Variants in DAPK2 observed in about 807,000 individuals in gnomAD.
The protein encoded by DAPK2 is death-associated protein kinase 2.
DAPK2 carries 35 observed loss-of-function variants against 44.1 expected under a neutral mutation model. The ratio of observed to expected loss-of-function variants is 0.79; its 90% confidence interval spans 0.61 to 1.05. The LOEUF is 1.05. Among genes scored for constraint, DAPK2 ranks in the 50% least tolerant of loss-of-function variants. The pLI is 0.00. For synonymous variants in DAPK2, 174 were observed against 182.6 expected, an observed-to-expected ratio of 0.95 and a Z score of 0.38; for missense variants, 453 against 483.2, an observed-to-expected ratio of 0.94 and a Z score of 0.59.
intron 8 of DAPK2, chr15:63,922,891 G>A (rs1343958599): frequency 2.6e-6 from 4 of 1,535,780 alleles, no homozygotes; most frequent in Non-Finnish European, 3.5e-6. Context: ...TCCACTGCAG[G>A]TCTGCGGAGA....
chr15:63,931,618 C>T (rs968816236), intron 4 of DAPK2, among the ~76,000 whole-genome samples: 4 of 152,088 alleles, frequency 2.6e-5, no homozygotes, highest in African/African-American at 9.7e-5. Context: ...CTTGAGGTGC[C>T]TGAGGGGCAG....
At chr15:64,036,204 T>C (rs1035658585) in intron 1 of DAPK2, among the ~76,000 whole-genome samples, 16 of 145,520 alleles carry the variant, frequency 1.1e-4, no homozygotes, top group African/African-American at 3.5e-4. Context: ...GAGGTTGCAG[T>C]GAGCCGAGAT....
At chr15:63,942,109 T>G in intron 3 of DAPK2, 3 of 663,400 alleles carry the variant, frequency 4.5e-6, no homozygotes, top group Non-Finnish European at 5.6e-6. Context: ...GAGCCAGACC[T>G]GGTGATCCCC....
At chr15:64,036,342 T>TATAC (rs2080209473) in intron 1 of DAPK2, among the ~76,000 whole-genome samples, 2 of 134,288 alleles carry the variant, frequency 1.5e-5, no homozygotes, top group African/African-American at 5.1e-5. Context: ...TATATACATA[T>TATAC]ATATATATAT....
intron 1 of DAPK2, among the ~76,000 whole-genome samples, chr15:64,022,594 AC>A (rs2079717659): frequency 6.6e-6 from 1 of 152,170 alleles, no homozygotes. Flanking sequence ...AGGCGGGTGA[AC>A]ACTCGAGCCC....
chr15:63,924,030 C>T (rs1251450565), intron 8 of DAPK2, among the ~76,000 whole-genome samples: 8 of 152,146 alleles, frequency 5.3e-5, no homozygotes, highest in Admixed American at 1.3e-4. Context: ...GTCATTTCAT[C>T]CTTGCTGGCC....
chr15:63,944,025 G>C (rs544936309), intron 3 of DAPK2, among the ~76,000 whole-genome samples: 1 of 152,226 alleles, frequency 6.6e-6, no homozygotes, highest in East Asian at 1.9e-4. Flanking sequence ...TTTTCTTCTG[G>C]TGATGCTTCC....
chr15:64,035,377 C>G (rs2141176125), intron 1 of DAPK2, among the ~76,000 whole-genome samples: 1 of 152,318 alleles, frequency 6.6e-6, no homozygotes, highest in South Asian at 2.1e-4. Flanking sequence ...GCTCATCCTT[C>G]TAACTTTGAC....
Position 63,983,532 on chromosome 15 carries a change from C to A in DAPK2, c.314+1G>T. On this transcript the variant is annotated splice_donor_variant, in intron 2 of 10. Coordinates refer to ENST00000261891, the Ensembl canonical transcript of DAPK2. LOFTEE classifies it high-confidence loss of function. ...CTGTGGGTCCTGGGGACCCCACTCA[C>A]AGCTCAAGGATGAGCACCACGTCGG... 1 of 1,613,262 alleles carries A rather than the reference C, an allele frequency of 6.2e-7. No individual in the cohort carries two copies. Among genetic ancestry groups the A allele is most frequent in the Non-Finnish European group, 8.5e-7 (1 of 1,179,246 alleles).
chr15:64,037,631 C>G (rs931564559), intron 1 of DAPK2, among the ~76,000 whole-genome samples: 1 of 152,136 alleles, frequency 6.6e-6, no homozygotes, highest in African/African-American at 2.4e-5. Context: ...AAATGAAGAA[C>G]AGGAGGGCAG....
intron 3 of DAPK2, among the ~76,000 whole-genome samples, chr15:63,941,500 C>T (rs1442075995): frequency 1.3e-5 from 2 of 152,202 alleles, no homozygotes; most frequent in Non-Finnish European, 2.9e-5. Flanking sequence ...TAGCTGTTAG[C>T]TGAACTGATA....
At chr15:63,986,131 C>T (rs1313693954) in intron 1 of DAPK2, among the ~76,000 whole-genome samples, 4 of 152,256 alleles carry the variant, frequency 2.6e-5, no homozygotes, top group African/African-American at 9.6e-5. Flanking sequence ...TCCCCCACTC[C>T]TTGGGCTGTT....
chr15:63,982,090 G>A (rs1468251244), intron 2 of DAPK2, among the ~76,000 whole-genome samples: 1 of 151,994 alleles, frequency 6.6e-6, no homozygotes, highest in Non-Finnish European at 1.5e-5. Flanking sequence ...GGGAATTGAG[G>A]TGACTTGCCC....
chr15:63,930,338 G>A (rs1176799685), intron 5 of DAPK2, 69 bp downstream of exon 6: 13 of 1,439,236 alleles, frequency 9.0e-6, no homozygotes, highest in Non-Finnish European at 1.2e-5. Flanking sequence ...GATGTCACCT[G>A]GAGCAGGATC....
intron 3 of DAPK2, among the ~76,000 whole-genome samples, chr15:63,945,155 C>T (rs2077415525): frequency 1.3e-5 from 2 of 152,156 alleles, no homozygotes; most frequent in South Asian, 4.1e-4. Context: ...ATGAGCCACC[C>T]TGACCACCCA....
intron 3 of DAPK2, among the ~76,000 whole-genome samples, chr15:63,960,691 T>C (rs2077874652): frequency 6.6e-6 from 1 of 152,236 alleles, no homozygotes; most frequent in African/African-American, 2.4e-5. Flanking sequence ...CGAGTTATAG[T>C]TTGATTGCAC....
chr15:63,987,044 C>T (rs2078686222), intron 1 of DAPK2, among the ~76,000 whole-genome samples: 1 of 152,168 alleles, frequency 6.6e-6, no homozygotes, highest in Admixed American at 6.5e-5. Flanking sequence ...ATGATTTTTG[C>T]TTGAGGGGTT....
intron 1 of DAPK2, among the ~76,000 whole-genome samples, chr15:63,993,913 G>T (rs150634053): frequency 7.3e-4 from 111 of 152,138 alleles, no homozygotes; most frequent in African/African-American, 2.5e-3. Flanking sequence ...AGACACACAC[G>T]GTGGTTTCTG....
intron 1 of DAPK2, among the ~76,000 whole-genome samples, chr15:63,985,545 G>T (rs1297685218): frequency 2.0e-5 from 3 of 152,218 alleles, no homozygotes; most frequent in African/African-American, 7.2e-5. Flanking sequence ...TGGCATTTCA[G>T]AGTCCCTGTG....
Sources: allele counts gnomAD v4.1 joint callset (sites outside exome capture counted in the v4.1 genomes callset), GRCh38; gene constraint gnomAD v4.1.1; transcripts MANE v1.5; gene names NCBI Gene and HGNC (gene_info 2026-07-23, HGNC 2026-07-21).